The following ADGRL2 variants were observed in gnomAD, a reference collection of about 807,000 sequenced individuals.
ADGRL2 encodes the protein adhesion G protein-coupled receptor L2, also known as calcium-independent alpha-latrotoxin receptor 2.
ADGRL2 carries 44 observed loss-of-function variants against 157.4 expected under a neutral mutation model. The ratio of observed to expected loss-of-function variants is 0.28; its 90% CI spans 0.22 to 0.36. ADGRL2 has a LOEUF of 0.36. Among genes scored for constraint, ADGRL2 ranks in the 10% least tolerant of loss-of-function variants. The probability of loss-of-function intolerance (pLI) is 1.00; values close to 1 mark genes in which losing one functional copy is unlikely to be tolerated. For missense variants in ADGRL2, 1,510 were observed against 1,768.9 expected (o/e 0.85, Z 2.63); for synonymous variants, 585 against 624.7 (o/e 0.94, Z 0.95).
At chr1:81,952,235 G>A (rs1312172103) in intron 9 of ADGRL2, 93 bp downstream of exon 9, 22 of 1,041,190 alleles carry the variant, frequency 2.1e-5, no homozygotes, top group African/African-American at 1.8e-4. Context: ...CTTTGGCCCC[G>A]GGACATATAC....
chr1:81,614,988 GAGC>G (rs1167318171), intron 3 of ADGRL2, among the ~76,000 whole-genome samples: 2 of 152,154 alleles, frequency 1.3e-5, no homozygotes, highest in Non-Finnish European at 2.9e-5. Context: ...ACTCCAGCCT[GAGC>G]GACAGAGTGA....
chr1:81,855,889 A>C (rs2093185677), intron 2 of ADGRL2, among the ~76,000 whole-genome samples: 1 of 152,192 alleles, frequency 6.6e-6, no homozygotes, highest in Admixed American at 6.5e-5. Context: ...GAATTGATGA[A>C]ATTTCCGAAG....
intron 1 of ADGRL2, among the ~76,000 whole-genome samples, chr1:81,319,237 G>A (rs1028375092): frequency 4.0e-5 from 6 of 151,754 alleles, no homozygotes; most frequent in Non-Finnish European, 7.4e-5. Context: ...GTGAGCCACC[G>A]CGCCCAGCTT....
intron 1 of ADGRL2, among the ~76,000 whole-genome samples, chr1:81,718,356 C>G (rs2084185949): frequency 6.6e-6 from 1 of 152,012 alleles, no homozygotes; most frequent in African/African-American, 2.4e-5. Context: ...AAACATAATG[C>G]AAAATCTGCC....
chr1:81,417,084 TC>T (rs1557673294), intron 1 of ADGRL2, among the ~76,000 whole-genome samples: 1 of 152,182 alleles, frequency 6.6e-6, no homozygotes, highest in Non-Finnish European at 1.5e-5. Context: ...AAAAGCATCT[TC>T]CTTTACTTTA....
intron 6 of ADGRL2, among the ~76,000 whole-genome samples, chr1:81,944,247 A>C (rs1572273195): frequency 1.3e-5 from 2 of 152,070 alleles, no homozygotes; most frequent in Admixed American, 6.6e-5. Flanking sequence ...GGAGCCATCC[A>C]ATATTTTTCT....
chr1:81,351,686 G>A (rs1468606845), intron 1 of ADGRL2, among the ~76,000 whole-genome samples: 1 of 152,102 alleles, frequency 6.6e-6, no homozygotes, highest in Non-Finnish European at 1.5e-5. Flanking sequence ...CTAGATGGAA[G>A]GTGCTGAATA....
upstream of ADGRL2, among the ~76,000 whole-genome samples, chr1:81,695,158 A>G (rs560838481): frequency 5.3e-5 from 8 of 152,190 alleles, no homozygotes; most frequent in Admixed American, 1.3e-4. Flanking sequence ...AAAATCTCTC[A>G]CAAGTGGGGA....
intron 2 of ADGRL2, among the ~76,000 whole-genome samples, chr1:81,882,820 G>T (rs1571893880): frequency 6.6e-6 from 1 of 152,234 alleles, no homozygotes; most frequent in East Asian, 1.9e-4. Context: ...TATTTGAACA[G>T]AATCTTATTT....
At chr1:81,721,933 T>G (rs1473178163) in intron 1 of ADGRL2, 1 of 668,756 alleles carries the variant, frequency 1.5e-6, no homozygotes, top group Non-Finnish European at 2.8e-6. Context: ...GAAAGTGATC[T>G]AGAAGTTGAT....
intron 1 of ADGRL2, among the ~76,000 whole-genome samples, chr1:81,410,663 A>G (rs1320609018): frequency 6.6e-6 from 1 of 152,220 alleles, no homozygotes; most frequent in Non-Finnish European, 1.5e-5. Flanking sequence ...AAAAGCAGAG[A>G]TGTTTGAGAG....
At chr1:81,901,075 G>T (rs566580398) in intron 2 of ADGRL2, among the ~76,000 whole-genome samples, 6 of 152,102 alleles carry the variant, frequency 3.9e-5, no homozygotes, top group African/African-American at 1.4e-4. Flanking sequence ...TCTGAAACCG[G>T]AGTTGCTAAT....
At chr1:81,844,117 A>G (rs1450761699) in intron 2 of ADGRL2, among the ~76,000 whole-genome samples, 1 of 152,176 alleles carries the variant, frequency 6.6e-6, no homozygotes, top group African/African-American at 2.4e-5. Context: ...TTTAGTAAAT[A>G]AATTTGTTTT....
chr1:81,799,002 T>C (rs1188132915), upstream of ADGRL2, among the ~76,000 whole-genome samples: 6 of 152,158 alleles, frequency 3.9e-5, no homozygotes, highest in Non-Finnish European at 8.8e-5. Context: ...TACTATCAGT[T>C]TGACTTATTC....
chr1:81,557,040 GA>G (rs199765860), intron 2 of ADGRL2: 3,372 of 168,260 alleles, frequency 0.02, 73 homozygotes, highest in Admixed American at 0.027. Flanking sequence ...AAAAAAGAAA[GA>G]AAGAAGAAGA....
intron 2 of ADGRL2, among the ~76,000 whole-genome samples, chr1:81,490,665 A>G (rs972442642): frequency 2.0e-5 from 3 of 152,244 alleles, no homozygotes; most frequent in Non-Finnish European, 4.4e-5. Context: ...CCAATGATGT[A>G]CAGGGATGTG....
intron 1 of ADGRL2, among the ~76,000 whole-genome samples, chr1:81,390,667 A>G (rs1429796438): frequency 6.6e-6 from 1 of 152,308 alleles, no homozygotes; most frequent in African/African-American, 2.4e-5. Context: ...CAGAAAGGGA[A>G]TTATACTGTA....
rs1454352422 is a variant in ADGRL2 at position 81,341,189 on chromosome 1, T to C, written c.-302+34680T>C. ...TGGCTTTAAAACTGGGCTGAATCCT[T>C]TGCCTATAGAGGAAATAAAATTAAA... On this transcript the variant is annotated intron_variant, in intron 1 of 24. Coordinates refer to the ADGRL2 transcript ENST00000370721. Among the ~76,000 whole-genome samples, 5 of 152,302 alleles carry C rather than the reference T, an allele frequency of 3.3e-5. No homozygotes were observed. In the East Asian group the frequency reaches 7.7e-4, roughly 24 times the overall value.
chr1:81,805,680 G>T (rs1379569695), intron 1 of ADGRL2, among the ~76,000 whole-genome samples: 1 of 147,658 alleles, frequency 6.8e-6, no homozygotes, highest in Non-Finnish European at 1.5e-5. Flanking sequence ...TTATTTTATG[G>T]TAGTTTATTT....
Sources: allele counts gnomAD v4.1 joint callset (sites outside exome capture counted in the v4.1 genomes callset), GRCh38; gene constraint gnomAD v4.1.1; transcripts MANE v1.5; gene names NCBI Gene and HGNC (gene_info 2026-07-23, HGNC 2026-07-21).